Variants in RNF220 observed in about 807,000 individuals in gnomAD.
The protein encoded by RNF220 is E3 ubiquitin-protein ligase RNF220.
Under a neutral mutation model 67.1 loss-of-function variants are expected in RNF220, and 7 were observed. The observed-to-expected ratio is 0.10, with a 90% CI of 0.06 to 0.20. The LOEUF (loss-of-function observed/expected upper bound fraction) is 0.20, where lower values mean the gene tolerates loss of function less well. Among genes scored for constraint, RNF220 ranks in the 10% least tolerant of loss-of-function variants. RNF220 has a pLI of 1.00. For missense variants in RNF220, 565 were observed against 740.3 expected, an observed-to-expected ratio of 0.76 and a Z score of 2.75; for synonymous variants, 270 against 283.2, an observed-to-expected ratio of 0.95 and a Z score of 0.47.
At chr1:44,456,704 C>T (rs1653217531) in intron 2 of RNF220, among the ~76,000 whole-genome samples, 1 of 152,186 alleles carries the variant, frequency 6.6e-6, no homozygotes, top group South Asian at 2.1e-4. Flanking sequence ...AATCACAAAC[C>T]TGAAAACGTT....
chr1:44,407,502 C>G (rs1188509464), intron 1 of RNF220, among the ~76,000 whole-genome samples: 2 of 152,032 alleles, frequency 1.3e-5, no homozygotes, highest in Non-Finnish European at 2.9e-5. Flanking sequence ...CGCAGAGACC[C>G]GGCAAAAGTG....
At chr1:44,431,500 C>CA (rs34244024) in intron 2 of RNF220, among the ~76,000 whole-genome samples, 4,626 of 90,176 alleles carry the variant, frequency 0.051, 149 homozygotes, top group Admixed American at 0.11. Context: ...GACTTCATCT[C>CA]AAAAAAAAAA....
intron 3 of RNF220, among the ~76,000 whole-genome samples, chr1:44,618,786 G>A (rs932704080): frequency 1.3e-5 from 2 of 152,152 alleles, no homozygotes; most frequent in Admixed American, 1.3e-4. Context: ...AGGGTCCAGG[G>A]GAAAGTTGGT....
intron 3 of RNF220, among the ~76,000 whole-genome samples, chr1:44,620,912 C>CTTT (rs71036690): frequency 1.0e-4 from 13 of 126,360 alleles, no homozygotes; most frequent in South Asian, 2.6e-4. Context: ...TGTTGTGAAT[C>CTTT]TTTTTTTTTT....
chr1:44,441,285 A>G (rs1651525505), intron 2 of RNF220, among the ~76,000 whole-genome samples: 1 of 152,182 alleles, frequency 6.6e-6, no homozygotes, highest in Admixed American at 6.5e-5. Flanking sequence ...TTTCTGAGCC[A>G]GGAAAGTCAT....
At position 44,555,930 on chromosome 1, in the gene RNF220, G is replaced by A. The variant is rs796091257; in HGVS notation, c.626-58235G>A. Among the ~76,000 whole-genome samples the A allele has an allele frequency of 1.0e-4, 15 of 150,706 alleles. 1 individual carries two copies. Among genetic ancestry groups the A allele is most frequent in the African/African-American group, 3.2e-4 (13 of 40,306 alleles). ...CCTTCTTGAAGCCTTCCTTGATGTC[G>A]TTAATTGTCTCCTCCTTTGTGCCCC... On this transcript the variant is annotated intron_variant, in intron 2 of 14. Coordinates refer to ENST00000361799, the MANE Select transcript of RNF220 (RefSeq NM_018150.4).
At chr1:44,596,007 G>A (rs1334458286) in intron 2 of RNF220, among the ~76,000 whole-genome samples, 2 of 152,070 alleles carry the variant, frequency 1.3e-5, no homozygotes, top group Admixed American at 6.5e-5. Flanking sequence ...CTCATGATCC[G>A]CCCATCTCAG....
At chr1:44,529,162 A>AT (rs1660637045) in intron 2 of RNF220, among the ~76,000 whole-genome samples, 1 of 152,202 alleles carries the variant, frequency 6.6e-6, no homozygotes, top group South Asian at 2.1e-4. Flanking sequence ...TTTCAGTATT[A>AT]TTTATAGCAG....
At chr1:44,464,568 C>G (rs1486717729) in intron 2 of RNF220, among the ~76,000 whole-genome samples, 1 of 152,198 alleles carries the variant, frequency 6.6e-6, no homozygotes, top group African/African-American at 2.4e-5. Context: ...TAAAGCACAT[C>G]TGTGTGGCAG....
chr1:44,447,058 G>C (rs1471850989), intron 2 of RNF220, among the ~76,000 whole-genome samples: 1 of 152,170 alleles, frequency 6.6e-6, no homozygotes, highest in Non-Finnish European at 1.5e-5. Flanking sequence ...TGATAACCTT[G>C]ATCTGCTCCA....
rs532607235 is a variant in RNF220, at chr1:44,412,772, A to G, written c.625+50A>G. The G allele has an allele frequency of 1.1e-5, 17 of 1,568,148 alleles. No homozygotes were observed. The East Asian group carries it at 2.2e-4, about 21-fold the overall frequency. On this transcript the variant is annotated intron_variant, in intron 2 of 14. Coordinates refer to ENST00000361799, the MANE Select transcript of RNF220 (RefSeq NM_018150.4). The surrounding 1 kb of genome is among the most constrained non-coding windows in gnomAD (Gnocchi z 5.3). ...CCTTACCCCCAGTAAGCCCTGCCTC[A>G]CCGTGATGTTCAACAGGTCGGTGGC...
intron 2 of RNF220, among the ~76,000 whole-genome samples, chr1:44,484,359 G>T (rs954764764): frequency 2.0e-5 from 3 of 152,164 alleles, no homozygotes; most frequent in Non-Finnish European, 2.9e-5. Context: ...ATCTAACTGC[G>T]AGGGAGGCTG....
intron 2 of RNF220, among the ~76,000 whole-genome samples, chr1:44,569,672 C>G (rs950130609): frequency 6.6e-6 from 1 of 152,050 alleles, no homozygotes; most frequent in Non-Finnish European, 1.5e-5. Flanking sequence ...CCCACCCTGG[C>G]AGAGCCAGGA....
intron 2 of RNF220, among the ~76,000 whole-genome samples, chr1:44,496,018 G>A (rs1657316301): frequency 6.6e-6 from 1 of 152,212 alleles, no homozygotes; most frequent in East Asian, 1.9e-4. Flanking sequence ...GCCTTGCTAA[G>A]AAGCTTACAC....
intron 2 of RNF220, among the ~76,000 whole-genome samples, chr1:44,550,811 G>C (rs145345011): frequency 6.6e-6 from 1 of 152,162 alleles, no homozygotes; most frequent in African/African-American, 2.4e-5. Flanking sequence ...TGCTCAGGGC[G>C]TTCTTGGGCC....
intron 2 of RNF220, among the ~76,000 whole-genome samples, chr1:44,421,557 T>C (rs889762203): frequency 4.8e-5 from 7 of 144,626 alleles, no homozygotes; most frequent in African/African-American, 1.6e-4. Flanking sequence ...GAAGGGGCCT[T>C]GTAGGTCAGA....
intron 2 of RNF220, among the ~76,000 whole-genome samples, chr1:44,590,692 G>C (rs192499046): frequency 2.1e-3 from 315 of 152,312 alleles, no homozygotes; most frequent in Middle Eastern, 0.014. Flanking sequence ...CAGAGATGAT[G>C]AATAGGAAGC....
Position 44,649,342 on chromosome 1 carries a change from T to G in RNF220, c.1446-319T>G. The G allele has an allele frequency of 5.2e-6, 2 of 387,448 alleles. No individual in the cohort carries two copies. Among genetic ancestry groups the G allele is most frequent in the Non-Finnish European group, 4.8e-6 (1 of 209,606 alleles). The allele number at this position is 387,448 out of a possible 1,614,324, so 24.0% of individuals were successfully genotyped here. On this transcript the variant is annotated intron_variant, in intron 12 of 14. Coordinates refer to ENST00000361799, the MANE Select transcript of RNF220 (RefSeq NM_018150.4). This position sits in a 1 kb window ranked among gnomAD's most constrained non-coding sequence, Gnocchi z 5.9. ...GAAGACATCTGAGAGCCTGGACTCA[T>G]GGTGGTGAGGAGAGATGCCGGAGAT...
At chr1:44,547,721 A>G in intron 2 of RNF220, among the ~76,000 whole-genome samples, 1 of 151,700 alleles carries the variant, frequency 6.6e-6, no homozygotes. Context: ...CATTTTTCCA[A>G]CTGCCTGGTG....
Sources: gnomAD v4.1 joint callset for allele counts (sites outside exome capture counted in the v4.1 genomes callset) on GRCh38, gnomAD v4.1.1 for gene constraint, Gnocchi (gnomAD v3.1) non-coding constraint, MANE v1.5 for transcripts, NCBI Gene and HGNC (gene_info 2026-07-23, HGNC 2026-07-21) for gene names.